The following RPGR variants were observed in gnomAD, a reference collection of about 807,000 sequenced individuals.
The protein encoded by RPGR is retinitis pigmentosa GTPase regulator, also known as X-linked retinitis pigmentosa GTPase regulator.
In RPGR, 10 loss-of-function variants were observed where a neutral mutation model predicts 56.3. That is an observed-to-expected ratio of 0.18 (90% CI 0.11 to 0.30). The LOEUF (loss-of-function observed/expected upper bound fraction) is 0.30, where lower values mean the gene tolerates loss of function less well. Among genes scored for constraint, RPGR ranks in the 10% least tolerant of loss-of-function variants. RPGR has a pLI of 1.00. For missense variants in RPGR, 538 were observed against 590.9 expected (o/e 0.91, Z 0.93); for synonymous variants, 197 against 212.9 (o/e 0.93, Z 0.65).
chrX:38,271,334 G>A (rs989796481), intron 18 of RPGR, among the ~76,000 whole-genome samples: 1 of 111,758 alleles, frequency 8.9e-6, no homozygotes, highest in Non-Finnish European at 1.9e-5. Context: ...AAAATACCAA[G>A]AAATGCTGAT....
intron 9 of RPGR, among the ~76,000 whole-genome samples, chrX:38,301,046 G>C (rs2067492240): frequency 9.0e-6 from 1 of 111,694 alleles, no homozygotes; most frequent in Admixed American, 9.6e-5. Flanking sequence ...AAAGGAAGAG[G>C]CTAAAGGAGG....
In RPGR at chrX:38,310,663, T is replaced by C; in HGVS notation, c.730A>G (p.Lys244Glu). Residue 244 changes from lysine to glutamate, a missense_variant, in exon 7 of 19, where the codon AAG becomes GAG. Lys to Glu is a moderately conservative substitution (Grantham distance 56). This residue lies in a region of RPGR where 181 missense variants were observed against 265.1 expected (regional missense o/e 0.68). Transcript: ENST00000642395. ...CCACCACAGGCTACTTGGATCACCT[T>C]CTCCGGAATTTCAGACACCAGCTGG... The C allele has an allele frequency of 8.3e-7, 1 of 1,211,325 alleles. No homozygotes were observed.
At chrX:38,275,903 C>T (rs907983317) in intron 16 of RPGR, among the ~76,000 whole-genome samples, 1 of 111,868 alleles carries the variant, frequency 8.9e-6, no homozygotes, top group African/African-American at 3.2e-5. Flanking sequence ...CAACGTCATT[C>T]ACTTTGGGTT....
At chrX:38,304,183 G>A (rs1452288724) in intron 8 of RPGR, among the ~76,000 whole-genome samples, 3 of 111,725 alleles carry the variant, frequency 2.7e-5, no homozygotes, top group Admixed American at 1.9e-4. Flanking sequence ...AAGGAAAGGA[G>A]TCATTCCTGA....
intron 3 of RPGR, among the ~76,000 whole-genome samples, chrX:38,322,569 AAACT>A (rs1207333909): frequency 1.8e-5 from 2 of 112,310 alleles, no homozygotes; most frequent in Admixed American, 9.5e-5. Flanking sequence ...GTAGTTTTAC[AAACT>A]AACAAACAAA....
Sources: gnomAD v4.1 joint callset for allele counts (sites outside exome capture counted in the v4.1 genomes callset) on GRCh38, gnomAD v4.1.1 for gene constraint, gnomAD v4.1.1 regional missense constraint, MANE v1.5 for transcripts, NCBI Gene and HGNC (gene_info 2026-07-23, HGNC 2026-07-21) for gene names.